Variants in SPIDR observed in about 807,000 individuals in gnomAD.
SPIDR encodes the protein DNA repair-scaffolding protein.
SPIDR carries 93 observed loss-of-function variants against 104.6 expected under a neutral mutation model. The ratio of observed to expected loss-of-function variants is 0.89; its 90% CI spans 0.75 to 1.06. The LOEUF (loss-of-function observed/expected upper bound fraction) is 1.06. Among genes scored for constraint, SPIDR ranks in the 50% least tolerant of loss-of-function variants. SPIDR has a pLI of 0.00. For missense variants in SPIDR, 1,154 were observed against 1,111.2 expected (o/e 1.04, Z -0.55); for synonymous variants, 431 against 416.9 (o/e 1.03, Z -0.41).
chr8:47,558,258 T>C (rs1466738830), intron 8 of SPIDR, among the ~76,000 whole-genome samples: 1 of 152,134 alleles, frequency 6.6e-6, no homozygotes, highest in Non-Finnish European at 1.5e-5. Flanking sequence ...CATCATGCAA[T>C]GTGCTCATTT....
rs1306161978 is a variant in SPIDR at position 47,284,144 on chromosome 8, CCTT to C, written c.256+53_256+55del. The C allele has an allele frequency of 2.8e-6, 4 of 1,434,234 alleles. No individual in the cohort carries two copies. In the African/African-American group the frequency reaches 4.3e-5, roughly 15 times the overall value. The allele number at this position is 1,434,234 out of a possible 1,614,324, so 88.8% of individuals were successfully genotyped here. A position where few individuals can be genotyped will look rare whatever the true frequency, so the allele number is the denominator to read the frequency against. On this transcript the variant is annotated intron_variant, in intron 3 of 19. Coordinates refer to ENST00000297423, the MANE Select transcript of SPIDR (RefSeq NM_001080394.4). ...CAGAGAAGATATAAGACTAATAAAT[CCTT>C]CTGTGATTATTTTAAAAATTTGCTG... is the stretch of plus-strand genomic sequence containing the variant.
At chr8:47,596,831 T>A (rs1440441108) in intron 9 of SPIDR, among the ~76,000 whole-genome samples, 1 of 152,208 alleles carries the variant, frequency 6.6e-6, no homozygotes, top group Non-Finnish European at 1.5e-5. Flanking sequence ...TTTCTATTTT[T>A]ATTTTTATTT....
At chr8:47,560,995 C>G (rs1587764461) in intron 8 of SPIDR, among the ~76,000 whole-genome samples, 1 of 152,182 alleles carries the variant, frequency 6.6e-6, no homozygotes, top group East Asian at 1.9e-4. Context: ...CTTCTTCATT[C>G]CAGTTTGCCA....
intron 8 of SPIDR, among the ~76,000 whole-genome samples, chr8:47,443,197 C>T (rs1038797): frequency 0.48 from 72,872 of 151,898 alleles, 21,402 homozygotes; most frequent in East Asian, 0.65. Context: ...TACCAAACAA[C>T]CCCTGGGTGT....
chr8:47,553,217 G>T (rs962258537), intron 8 of SPIDR, among the ~76,000 whole-genome samples: 8 of 152,040 alleles, frequency 5.3e-5, no homozygotes, highest in Non-Finnish European at 1.2e-4. Flanking sequence ...TTTCAACCTT[G>T]GTGAATCTGA....
intron 5 of SPIDR, among the ~76,000 whole-genome samples, chr8:47,360,260 A>G (rs975420763): frequency 1.3e-5 from 2 of 150,162 alleles, no homozygotes; most frequent in African/African-American, 2.4e-5. Context: ...AAAAAAAAAA[A>G]AAAAAAAAAA....
At chr8:47,474,672 A>G (rs1221976518) in intron 8 of SPIDR, among the ~76,000 whole-genome samples, 7 of 152,254 alleles carry the variant, frequency 4.6e-5, no homozygotes, top group African/African-American at 1.7e-4. Flanking sequence ...CTGTGTCAAC[A>G]AAAAAGATAA....
At chr8:47,297,818 T>C (rs1243362508) in intron 5 of SPIDR, among the ~76,000 whole-genome samples, 6 of 152,238 alleles carry the variant, frequency 3.9e-5, no homozygotes, top group African/African-American at 1.4e-4. Context: ...TAGTATTCCA[T>C]GGTGAATATG....
chr8:47,361,327 G>A (rs1271071107), intron 5 of SPIDR, among the ~76,000 whole-genome samples: 2 of 152,210 alleles, frequency 1.3e-5, no homozygotes, highest in Admixed American at 6.5e-5. Context: ...TTGGTTAGGA[G>A]GAGACAGGAT....
chr8:47,330,054 T>C (rs572747912), intron 5 of SPIDR, among the ~76,000 whole-genome samples: 27 of 152,346 alleles, frequency 1.8e-4, no homozygotes, highest in Admixed American at 1.8e-3. Context: ...CTTGTGTGGA[T>C]TCTTAGGTCA....
intron 10 of SPIDR, among the ~76,000 whole-genome samples, chr8:47,605,971 C>A (rs184457681): frequency 1.8e-4 from 28 of 152,262 alleles, no homozygotes; most frequent in Non-Finnish European, 2.6e-4. Flanking sequence ...ATTTTTATTT[C>A]TATGCTTTTG....
intron 16 of SPIDR, among the ~76,000 whole-genome samples, chr8:47,726,753 G>A (rs2084302751): frequency 6.6e-6 from 1 of 151,916 alleles, no homozygotes; most frequent in African/African-American, 2.4e-5. Context: ...TGGGGAGTGG[G>A]GACAGGGTCT....
intron 8 of SPIDR, among the ~76,000 whole-genome samples, chr8:47,474,274 TTC>T (rs1384961877): frequency 2.0e-5 from 3 of 152,348 alleles, no homozygotes; most frequent in Admixed American, 1.3e-4. Context: ...GGTCTTTTAA[TTC>T]TGTGTCGAAT....
At chr8:47,614,122 T>C (rs1001618133) in intron 10 of SPIDR, among the ~76,000 whole-genome samples, 2 of 152,204 alleles carry the variant, frequency 1.3e-5, no homozygotes, top group Non-Finnish European at 2.9e-5. Context: ...CATGTAGCGT[T>C]TGGTTTTCTG....
chr8:47,282,383 A>G (rs928884949), intron 2 of SPIDR, among the ~76,000 whole-genome samples: 1 of 152,250 alleles, frequency 6.6e-6, no homozygotes, highest in African/African-American at 2.4e-5. Flanking sequence ...TCTTTCATCT[A>G]TATTGAAAGT....
chr8:47,364,862 T>C (rs1325103235), intron 5 of SPIDR, among the ~76,000 whole-genome samples: 1 of 152,210 alleles, frequency 6.6e-6, no homozygotes, highest in African/African-American at 2.4e-5. Context: ...TTTTCCTGAC[T>C]TTCCCTGCAT....
At chr8:47,431,941 G>C (rs1554689608) in intron 7 of SPIDR, among the ~76,000 whole-genome samples, 1 of 152,156 alleles carries the variant, frequency 6.6e-6, no homozygotes, top group East Asian at 1.9e-4. Flanking sequence ...AATTTCTCCA[G>C]AATTTGTTTT....
At chr8:47,646,408 A>T (rs1368761548) in intron 10 of SPIDR, among the ~76,000 whole-genome samples, 5 of 152,134 alleles carry the variant, frequency 3.3e-5, no homozygotes, top group Non-Finnish European at 1.5e-5. Context: ...TTGACCCAGC[A>T]CTTCTACTTC....
chr8:47,516,464 A>C (rs1316591551), intron 8 of SPIDR, among the ~76,000 whole-genome samples: 1 of 152,054 alleles, frequency 6.6e-6, no homozygotes, highest in Non-Finnish European at 1.5e-5. Flanking sequence ...AGCAACCTCT[A>C]TTCTACTTTC....
Sources: gnomAD v4.1 joint callset for allele counts (sites outside exome capture counted in the v4.1 genomes callset) on GRCh38, gnomAD v4.1.1 for gene constraint, MANE v1.5 for transcripts, NCBI Gene and HGNC (gene_info 2026-07-23, HGNC 2026-07-21) for gene names.